CBX5: variants seen among roughly 807,000 people sequenced by gnomAD.
The protein encoded by CBX5 is chromobox protein homolog 5.
Under a neutral mutation model 20.7 loss-of-function variants are expected in CBX5, and 7 were observed. The observed-to-expected ratio is 0.34, with a 90% confidence interval of 0.19 to 0.63. The LOEUF is 0.63. Among genes scored for constraint, CBX5 ranks in the 30% least tolerant of loss-of-function variants. The pLI, the probability that CBX5 is intolerant of heterozygous loss-of-function variation, is 0.75. For missense variants in CBX5, 110 were observed against 224.1 expected (o/e 0.49, Z 3.25); for synonymous variants, 78 against 77.0 (o/e 1.01, Z -0.07).
At chr12:54,267,230 G>C (rs1400346368) in intron 1 of CBX5, among the ~76,000 whole-genome samples, 1 of 152,188 alleles carries the variant, frequency 6.6e-6, no homozygotes, top group Non-Finnish European at 1.5e-5. Context: ...CATTTGAGTA[G>C]ATTGTCATGA....
chr12:54,231,410 C>T lies in CBX5; in HGVS notation c.*10345G>A, dbSNP rs1387338191. The stretch of plus-strand genomic sequence containing the variant: ...GGCAGGGAGTCAGACTGTGCTCTCT[C>T]CATTCCCCAGGACTCCACAGAACCA... On this transcript the variant is annotated 3_prime_UTR_variant, in exon 5 of 5. Coordinates refer to ENST00000209875, the MANE Select transcript of CBX5 (RefSeq NM_012117.3). 1.3e-5 allele frequency: 2 copies of T among 154,604 alleles called. No homozygotes were observed. Among genetic ancestry groups the T allele is most frequent in the Admixed American group, 1.3e-4 (2 of 15,274 alleles). The allele number at this position is 154,604 out of a possible 1,614,324, so 9.6% of individuals were successfully genotyped here.
chr12:54,279,583 A>G (rs1038737083), intron 1 of CBX5, among the ~76,000 whole-genome samples: 3 of 152,132 alleles, frequency 2.0e-5, no homozygotes, highest in Admixed American at 6.6e-5. Context: ...CTGTCCGTCT[A>G]CTGGTTCCAG....
At chr12:54,244,990 T>G (rs1466236874) in intron 4 of CBX5, among the ~76,000 whole-genome samples, 1 of 151,460 alleles carries the variant, frequency 6.6e-6, no homozygotes, top group African/African-American at 2.4e-5. Flanking sequence ...GGTTAAGTCA[T>G]GTTTTATATA....
At chr12:54,269,945 C>T (rs371064188) in intron 1 of CBX5, among the ~76,000 whole-genome samples, 35 of 152,294 alleles carry the variant, frequency 2.3e-4, no homozygotes, top group African/African-American at 7.9e-4. Context: ...TCAACTAAGA[C>T]ATTGAATGTA....
rs1416964024 is a variant in CBX5 at position 54,238,512 on chromosome 12, A to G, written c.*3243T>C. 1 of 152,234 alleles carries G rather than the reference A, an allele frequency of 6.6e-6. No homozygotes were observed. The highest frequency in any genetic ancestry group is 1.5e-5 in the Non-Finnish European group (1 of 68,044). The allele number at this position is 152,234 out of a possible 1,614,324, so 9.4% of individuals were successfully genotyped here. A position where few individuals can be genotyped will look rare whatever the true frequency, so the allele number is the denominator to read the frequency against. ...CTACTGAGGAGTGAAATCTAAATGA[A>G]GATTTAGCTTAGAAAGCATGAAGAT... On this transcript the variant is annotated 3_prime_UTR_variant, in exon 5 of 5. Transcript: ENST00000209875.
intron 1 of CBX5, among the ~76,000 whole-genome samples, chr12:54,263,762 CAAAAAAA>C (rs66591051): frequency 1.2e-3 from 45 of 37,894 alleles, no homozygotes; most frequent in East Asian, 3.5e-3. Flanking sequence ...GACTCTATCT[CAAAAAAA>C]AAAAAAAAAA....
In CBX5 at chr12:54,231,617, G is replaced by A. The variant is rs536259490; in HGVS notation, c.*10138C>T. 6.6e-6 allele frequency: 1 copy of A among 152,668 alleles called. No homozygotes were observed. Among genetic ancestry groups the A allele is most frequent in the African/African-American group, 2.4e-5 (1 of 41,476 alleles). The allele number at this position is 152,668 out of a possible 1,614,324, so 9.5% of individuals were successfully genotyped here. On this transcript the variant is annotated 3_prime_UTR_variant, in exon 5 of 5. Coordinates refer to ENST00000209875, the MANE Select transcript of CBX5 (RefSeq NM_012117.3). ...GGAGCTGGCTGCGCCCCTAAACTGAGATGGAAAGAGTAAGGCTCTTGAGCC... is the reference window on the plus strand; with the variant it reads ...GGAGCTGGCTGCGCCCCTAAACTGAAATGGAAAGAGTAAGGCTCTTGAGCC...
chr12:54,260,160 CAAAAA>C (rs368171294), intron 1 of CBX5, among the ~76,000 whole-genome samples: 6 of 74,990 alleles, frequency 8.0e-5, no homozygotes. Flanking sequence ...AAACAACAAC[CAAAAA>C]AAAAAAAAAA....
In CBX5 at chr12:54,240,645, A is replaced by AT. The variant is rs1943667238; in HGVS notation, c.*1109dup. 1.3e-5 allele frequency: 2 copies of AT among 152,330 alleles called. No homozygotes were observed. Among genetic ancestry groups the AT allele is most frequent in the South Asian group, 2.1e-4 (1 of 4,826 alleles). The allele number at this position is 152,330 out of a possible 1,614,324, so 9.4% of individuals were successfully genotyped here. A position where few individuals can be genotyped will look rare whatever the true frequency, so the allele number is the denominator to read the frequency against. On this transcript the variant is annotated 3_prime_UTR_variant, in exon 5 of 5. Coordinates refer to ENST00000209875, the MANE Select transcript of CBX5 (RefSeq NM_012117.3). ...TCCAGGAGCCAAGAATGCAGGAGACATAACTGCTATGAACACTTAAAATTG... is the reference window on the plus strand; with the variant it reads ...TCCAGGAGCCAAGAATGCAGGAGACATTAACTGCTATGAACACTTAAAATTG...
intron 1 of CBX5, among the ~76,000 whole-genome samples, chr12:54,267,657 G>T (rs1035084997): frequency 1.3e-5 from 2 of 151,930 alleles, no homozygotes; most frequent in African/African-American, 4.8e-5. Flanking sequence ...AACTACAGGC[G>T]CCCGCCACCA....
At position 54,277,404 on chromosome 12, in the gene CBX5, G is replaced by C. The variant is rs559982437; in HGVS notation, c.-43+2604C>G. On this transcript the variant is annotated intron_variant, in intron 1 of 4. Coordinates refer to ENST00000209875, the MANE Select transcript of CBX5 (RefSeq NM_012117.3). Reference sequence around the variant, plus strand: ...GTTTTTAGTAGAGACGGGGTTTCACGATGTTGGCCAGGCCGGTCTCAAACT... The same window carrying C: ...GTTTTTAGTAGAGACGGGGTTTCACCATGTTGGCCAGGCCGGTCTCAAACT... Among the ~76,000 whole-genome samples, 530 of 152,068 alleles carry C rather than the reference G, an allele frequency of 3.5e-3. 1 individual carries two copies. Among genetic ancestry groups the C allele is most frequent in the Middle Eastern group, 6.8e-3 (2 of 292 alleles).
intron 3 of CBX5, among the ~76,000 whole-genome samples, chr12:54,247,454 C>T (rs571354942): frequency 2.0e-5 from 3 of 152,178 alleles, no homozygotes; most frequent in African/African-American, 7.2e-5. Flanking sequence ...TCCCTTGGGC[C>T]CAGGAGTTCA....
chr12:54,277,353 G>A (rs550406719), intron 1 of CBX5, among the ~76,000 whole-genome samples: 1 of 152,116 alleles, frequency 6.6e-6, no homozygotes, highest in Non-Finnish European at 1.5e-5. Flanking sequence ...ACAGGCACCC[G>A]CCACCACACC....
At chr12:54,242,610 G>C (rs1043121345) in intron 4 of CBX5, among the ~76,000 whole-genome samples, 1 of 150,824 alleles carries the variant, frequency 6.6e-6, no homozygotes, top group African/African-American at 2.4e-5. Context: ...CCAGTTTCCA[G>C]ATCATCTAAG....
At chr12:54,259,479 AAATG>A (rs1943894588) in intron 1 of CBX5, 1 of 152,646 alleles carries the variant, frequency 6.6e-6, no homozygotes, top group East Asian at 1.9e-4. Context: ...CAAAGGTAGA[AAATG>A]AATGGGGGTT....
intron 3 of CBX5, among the ~76,000 whole-genome samples, chr12:54,247,428 G>A (rs970274947): frequency 3.3e-5 from 5 of 152,152 alleles, no homozygotes; most frequent in African/African-American, 1.2e-4. Context: ...CGACTCAGGA[G>A]GCTGAGGTGG....
At chr12:54,244,642 G>A (rs1311273491) in intron 4 of CBX5, among the ~76,000 whole-genome samples, 1 of 151,952 alleles carries the variant, frequency 6.6e-6, no homozygotes, top group Non-Finnish European at 1.5e-5. Flanking sequence ...GGAGGCTGAG[G>A]CAGGAGAATC....
intron 2 of CBX5, 119 bp downstream of exon 2, chr12:54,257,395 C>G: frequency 1.0e-6 from 1 of 983,590 alleles, no homozygotes; most frequent in Non-Finnish European, 1.5e-6. Flanking sequence ...TCTTCTAACT[C>G]TTAGGAAGAG....
chr12:54,250,081 G>C (rs1439411939), intron 3 of CBX5, among the ~76,000 whole-genome samples: 1 of 152,006 alleles, frequency 6.6e-6, no homozygotes, highest in Non-Finnish European at 1.5e-5. Context: ...AATTAGCTGG[G>C]CATGGTGGTG....
Sources: allele counts gnomAD v4.1 joint callset (sites outside exome capture counted in the v4.1 genomes callset), GRCh38; gene constraint gnomAD v4.1.1; transcripts MANE v1.5; gene names NCBI Gene and HGNC (gene_info 2026-07-23, HGNC 2026-07-21).